BMPR2: variants seen among roughly 807,000 people sequenced by gnomAD.
The protein encoded by BMPR2 is bone morphogenetic protein receptor type 2.
BMPR2 carries 29 observed loss-of-function variants against 100.8 expected under a neutral mutation model. That is an observed-to-expected ratio of 0.29 (90% confidence interval 0.21 to 0.39). The LOEUF is 0.39. Ranked by LOEUF, BMPR2 falls within the 10% of genes least tolerant of loss-of-function variation. BMPR2 has a pLI of 1.00. For missense variants in BMPR2, 1,011 were observed against 1,274.5 expected, an observed-to-expected ratio of 0.79 and a Z score of 3.15; for synonymous variants, 382 against 442.3, an observed-to-expected ratio of 0.86 and a Z score of 1.71.
At chr2:202,395,686 AG>A (rs1394907001) in intron 1 of BMPR2, among the ~76,000 whole-genome samples, 2 of 152,236 alleles carry the variant, frequency 1.3e-5, no homozygotes, top group African/African-American at 4.8e-5. Flanking sequence ...CTGTAATCCC[AG>A]CACTTTGGGA....
chr2:202,542,476 G>C (rs1167777145), intron 10 of BMPR2, 29 bp downstream of exon 10: 8 of 1,610,648 alleles, frequency 5.0e-6, no homozygotes, highest in African/African-American at 2.7e-5. Context: ...ATTAAAGAGA[G>C]GACTTATGAC....
At chr2:202,389,224 C>T (rs892272120) in intron 1 of BMPR2, among the ~76,000 whole-genome samples, 3 of 151,586 alleles carry the variant, frequency 2.0e-5, no homozygotes, top group African/African-American at 7.3e-5. Flanking sequence ...GACCCTGTCT[C>T]TTAAATTTAA....
intron 3 of BMPR2, among the ~76,000 whole-genome samples, chr2:202,491,474 A>G (rs1194987940): frequency 1.3e-5 from 2 of 151,868 alleles, no homozygotes; most frequent in Non-Finnish European, 1.5e-5. Flanking sequence ...CCCAGGCTGA[A>G]GTACAGTGGC....
intron 3 of BMPR2, among the ~76,000 whole-genome samples, chr2:202,492,120 A>T (rs1692913993): frequency 6.6e-6 from 1 of 152,172 alleles, no homozygotes; most frequent in Non-Finnish European, 1.5e-5. Flanking sequence ...TGATAGTAAT[A>T]CTATTAAGAA....
intron 1 of BMPR2, among the ~76,000 whole-genome samples, chr2:202,395,829 G>A (rs1690646924): frequency 6.6e-6 from 1 of 152,162 alleles, no homozygotes; most frequent in Non-Finnish European, 1.5e-5. Context: ...CCAGCCACTC[G>A]GGAGGCTGAG....
At chr2:202,431,067 T>C (rs2350807) in intron 1 of BMPR2, among the ~76,000 whole-genome samples, 19,416 of 150,576 alleles carry the variant, frequency 0.13, 1,761 homozygotes, top group Admixed American at 0.14. Context: ...GACCAAGATA[T>C]ATTTCCTCAG....
rs1375951292 is a variant in BMPR2 at position 202,443,940 on chromosome 2, G to A, written c.77-20869G>A. On this transcript the variant is annotated intron_variant, in intron 1 of 12. Coordinates refer to ENST00000374580, the MANE Select transcript of BMPR2 (RefSeq NM_001204.7). ...ATTGTAAGATTTTGCCAGCATCCTT[G>A]ACAAATGTTGGTGGTACTACCGACT... 1.3e-5 allele frequency among the ~76,000 whole-genome samples: 2 copies of A among 150,342 alleles called. 1 individual carries two copies. Among genetic ancestry groups the A allele is most frequent in the African/African-American group, 5.0e-5 (2 of 39,752 alleles).
intron 1 of BMPR2, among the ~76,000 whole-genome samples, chr2:202,419,190 T>A (rs1691204670): frequency 2.0e-5 from 3 of 152,198 alleles, no homozygotes; most frequent in South Asian, 4.1e-4. Context: ...TAAATTGCCT[T>A]CATTTTAAAG....
In BMPR2 at chr2:202,462,498, C is replaced by T. The variant is rs191971127; in HGVS notation, c.77-2311C>T. On this transcript the variant is annotated intron_variant, in intron 1 of 12. Coordinates refer to ENST00000374580, the MANE Select transcript of BMPR2 (RefSeq NM_001204.7). ...CCTCCCAAAGTGCTGGGATTACAGG[C>T]GTGAGCCACCGTGCCCAGGCTAGTA... Among the ~76,000 whole-genome samples, 267 of 152,128 alleles carry T rather than the reference C, an allele frequency of 1.8e-3. 4 individuals are homozygous for T. The highest frequency in any genetic ancestry group is 0.01 in the Middle Eastern group (3 of 294).
At chr2:202,448,884 C>T (rs919195020) in intron 1 of BMPR2, among the ~76,000 whole-genome samples, 8 of 150,534 alleles carry the variant, frequency 5.3e-5, no homozygotes, top group African/African-American at 2.0e-4. Context: ...TATCTTATTG[C>T]TGTTTGGGAA....
At chr2:202,533,691 C>T (rs542499509) in intron 9 of BMPR2, among the ~76,000 whole-genome samples, 10 of 151,930 alleles carry the variant, frequency 6.6e-5, no homozygotes, top group South Asian at 4.2e-4. Context: ...GGCGTGGTGG[C>T]GAGCACCTGT....
intron 9 of BMPR2, among the ~76,000 whole-genome samples, chr2:202,534,517 C>G (rs943292831): frequency 1.1e-4 from 16 of 152,108 alleles, no homozygotes; most frequent in Non-Finnish European, 1.6e-4. Flanking sequence ...TTGCACCGCC[C>G]TTAATCCATT....
intron 3 of BMPR2, among the ~76,000 whole-genome samples, chr2:202,509,181 T>C (rs1687580767): frequency 6.6e-6 from 1 of 152,144 alleles, no homozygotes; most frequent in South Asian, 2.1e-4. Flanking sequence ...TTGGTCGTAG[T>C]TTAAGCAGCA....
intron 1 of BMPR2, among the ~76,000 whole-genome samples, chr2:202,452,796 C>G (rs186480884): frequency 3.3e-5 from 5 of 152,290 alleles, no homozygotes; most frequent in Admixed American, 1.3e-4. Context: ...CTTTAATGAA[C>G]AAGCTAAGCA....
At chr2:202,384,146 T>C (rs1427630265) in intron 1 of BMPR2, among the ~76,000 whole-genome samples, 1 of 152,158 alleles carries the variant, frequency 6.6e-6, no homozygotes, top group Non-Finnish European at 1.5e-5. Context: ...TACTCCAGCC[T>C]TGGCAAAAGA....
intron 3 of BMPR2, among the ~76,000 whole-genome samples, chr2:202,498,327 T>A (rs1392296118): frequency 6.6e-6 from 1 of 152,216 alleles, no homozygotes; most frequent in African/African-American, 2.4e-5. Context: ...CCGTCCTCCA[T>A]GTGGTCTGGG....
chr2:202,478,736 C>A (rs1156702487), intron 3 of BMPR2, among the ~76,000 whole-genome samples: 2 of 152,004 alleles, frequency 1.3e-5, no homozygotes, highest in African/African-American at 4.8e-5. Flanking sequence ...ATAGCAAAAC[C>A]CCGTCTCTAC....
intron 1 of BMPR2, among the ~76,000 whole-genome samples, chr2:202,396,141 C>T (rs1263199446): frequency 6.6e-6 from 1 of 152,062 alleles, no homozygotes; most frequent in Admixed American, 6.6e-5. Context: ...GTCTAAACTG[C>T]ACATGAAAAG....
chr2:202,524,361 CA>C lies in BMPR2; in HGVS notation c.967+4176del, dbSNP rs768641807. ...TGGGCGACAGATCGAGAGTCTGTCTCAAAAAAAAAAAAAAAACAACTACCTG... is the reference window on the plus strand; with the variant it reads ...TGGGCGACAGATCGAGAGTCTGTCTCAAAAAAAAAAAAAAACAACTACCTG... On this transcript the variant is annotated intron_variant, in intron 7 of 12. Transcript: ENST00000374580. Among the ~76,000 whole-genome samples the C allele has an allele frequency of 7.5e-3, 734 of 97,334 alleles. 4 individuals are homozygous for C. The highest frequency in any genetic ancestry group is 0.023 in the African/African-American group (555 of 24,336). 63.9% of individuals were successfully genotyped at this position (97,334 alleles called of 152,430 possible). A position where few individuals can be genotyped will look rare whatever the true frequency, so the allele number is the denominator to read the frequency against.
Sources: allele counts gnomAD v4.1 joint callset (sites outside exome capture counted in the v4.1 genomes callset), GRCh38; gene constraint gnomAD v4.1.1; transcripts MANE v1.5; gene names NCBI Gene and HGNC (gene_info 2026-07-23, HGNC 2026-07-21).